SCFD1: variants seen among roughly 807,000 people sequenced by gnomAD.
SCFD1 encodes the protein sec1 family domain-containing protein 1.
A neutral mutation model predicts 103.2 loss-of-function variants in SCFD1; 37 were observed. That is an observed-to-expected ratio of 0.36 (90% CI 0.28 to 0.47). SCFD1 has a LOEUF of 0.47. SCFD1 is among the 20% of genes least tolerant of loss of function. The pLI, the probability that SCFD1 is intolerant of heterozygous loss-of-function variation, is 1.00. For missense variants in SCFD1, 639 were observed against 761.2 expected (o/e 0.84, Z 1.89); for synonymous variants, 264 against 245.0 (o/e 1.08, Z -0.73).
intron 6 of SCFD1, among the ~76,000 whole-genome samples, chr14:30,641,949 C>G (rs1161027164): frequency 6.6e-6 from 1 of 152,164 alleles, no homozygotes; most frequent in African/African-American, 2.4e-5. Flanking sequence ...TCATCAGACA[C>G]TGGGCCTTGA....
At chr14:30,684,973 A>T (rs1594698652) in intron 14 of SCFD1, among the ~76,000 whole-genome samples, 4 of 65,698 alleles carry the variant, frequency 6.1e-5, no homozygotes, top group African/African-American at 2.2e-4. Context: ...CCCCAACCCC[A>T]CCACAGTCCC....
intron 10 of SCFD1, among the ~76,000 whole-genome samples, chr14:30,657,455 T>C (rs1041445431): frequency 6.6e-6 from 1 of 152,206 alleles, no homozygotes; most frequent in South Asian, 2.1e-4. Context: ...CTTTATACAA[T>C]TTTTATTTCC....
At chr14:30,694,934 A>G in intron 15 of SCFD1, 65 bp downstream of exon 15, 1 of 1,538,998 alleles carries the variant, frequency 6.5e-7, no homozygotes, top group Non-Finnish European at 8.7e-7. Flanking sequence ...TTTTCAATTG[A>G]GTAAACTTTG....
intron 23 of SCFD1, among the ~76,000 whole-genome samples, chr14:30,731,888 A>G (rs1022741904): frequency 6.6e-6 from 1 of 152,144 alleles, no homozygotes; most frequent in South Asian, 2.1e-4. Flanking sequence ...TTCCAACACT[A>G]TGTTGAATAG....
At position 30,705,820 on chromosome 14, in the gene SCFD1, T is replaced by C. The variant is rs746274069; in HGVS notation, c.1491-3T>C. The C allele has an allele frequency of 1.9e-5, 31 of 1,613,056 alleles. No homozygotes were observed. Among genetic ancestry groups the C allele is most frequent in the Non-Finnish European group, 2.5e-5 (30 of 1,179,154 alleles). ...TTTTAAGTACAACTTCCTTCTTTCATAGGGCTTTTACCAAGATGGCCTCAG... is the reference window on the plus strand; with the variant it reads ...TTTTAAGTACAACTTCCTTCTTTCACAGGGCTTTTACCAAGATGGCCTCAG... On this transcript the variant is annotated splice_polypyrimidine_tract_variant and splice_region_variant and intron_variant, in intron 17 of 24. Transcript: ENST00000458591.
At chr14:30,734,996 G>GT in intron 24 of SCFD1, 138 bp downstream of exon 24, 2 of 620,976 alleles carry the variant, frequency 3.2e-6, no homozygotes, top group African/African-American at 1.8e-5. Flanking sequence ...AAGATAAGGT[G>GT]TTTTCATGGA....
chr14:30,683,250 G>A, intron 14 of SCFD1: 1 of 1,079,574 alleles, frequency 9.3e-7, no homozygotes, highest in Admixed American at 2.3e-5. Flanking sequence ...TGTCCTTCAG[G>A]ATGTCCAGGC....
chr14:30,680,975 G>T (rs1393790139), intron 14 of SCFD1, among the ~76,000 whole-genome samples: 1 of 152,136 alleles, frequency 6.6e-6, no homozygotes, highest in African/African-American at 2.4e-5. Context: ...GCTCACACCT[G>T]TCATCCCAGC....
At chr14:30,640,334 G>A (rs1479806134) in intron 6 of SCFD1, among the ~76,000 whole-genome samples, 1 of 152,102 alleles carries the variant, frequency 6.6e-6, no homozygotes. Context: ...TTCCTAAGAG[G>A]ATATAAGTAT....
At chr14:30,645,249 A>G (rs1371741697) in intron 7 of SCFD1, among the ~76,000 whole-genome samples, 1 of 152,086 alleles carries the variant, frequency 6.6e-6, no homozygotes, top group Non-Finnish European at 1.5e-5. Context: ...GTAGTAGTAT[A>G]CTTCGAAGTC....
chr14:30,664,184 G>A (rs1374394587), intron 10 of SCFD1, among the ~76,000 whole-genome samples: 3 of 152,134 alleles, frequency 2.0e-5, no homozygotes, highest in Non-Finnish European at 2.9e-5. Flanking sequence ...TCCAGAGGAA[G>A]GATCAGGCAG....
intron 7 of SCFD1, 43 bp downstream of exon 7, chr14:30,643,448 T>C (rs756403766): frequency 4.6e-6 from 6 of 1,306,252 alleles, no homozygotes. Flanking sequence ...AAGTAAATTA[T>C]TTAACAAGTA....
intron 10 of SCFD1, among the ~76,000 whole-genome samples, chr14:30,660,304 A>G (rs1254778700): frequency 6.6e-6 from 1 of 151,948 alleles, no homozygotes; most frequent in African/African-American, 2.4e-5. Context: ...TCTGTAAACT[A>G]ATTGATTGTG....
chr14:30,715,405 T>TA (rs2139390928), intron 19 of SCFD1: 1 of 152,378 alleles, frequency 6.6e-6, no homozygotes, highest in South Asian at 2.1e-4. Flanking sequence ...ACCCTGTCTC[T>TA]ACTAAAAATA....
In SCFD1 at chr14:30,622,360, A is replaced by G. The variant is rs568248606; in HGVS notation, c.22A>G (p.Thr8Ala). 3 of 1,564,968 alleles carry G rather than the reference A, an allele frequency of 1.9e-6. No homozygotes were observed. The highest frequency in any genetic ancestry group is 1.9e-5 in the Admixed American group (1 of 52,604). ...CAAGATGGCGGCGGCGGCGGCAGCG[A>G]CAGCAGCAGCAGCAGCCAGTATTCG... MAAAAAA[T>A]AAAAASIRER... The change falls in exon 1 of 25, where the codon ACA becomes GCA. Residue 8 changes from threonine to alanine, a missense_variant. By Grantham distance (58) the Thr-to-Ala change is moderately conservative (BLOSUM62 0). Coordinates refer to ENST00000458591, the MANE Select transcript of SCFD1 (RefSeq NM_016106.4).
intron 1 of SCFD1, among the ~76,000 whole-genome samples, chr14:30,622,692 GCTT>G (rs1882977868): frequency 6.6e-6 from 1 of 152,160 alleles, no homozygotes; most frequent in Non-Finnish European, 1.5e-5. Context: ...GCAGCTGATA[GCTT>G]CTTATCTATG....
intron 24 of SCFD1, 83 bp downstream of exon 24, chr14:30,734,941 CTT>C: frequency 8.8e-7 from 1 of 1,133,690 alleles, no homozygotes; most frequent in Non-Finnish European, 1.3e-6. Flanking sequence ...AAGAAAACCA[CTT>C]ACTCACCTGA....
chr14:30,634,735 G>A (rs1485486461), intron 4 of SCFD1: 3 of 449,008 alleles, frequency 6.7e-6, no homozygotes, highest in African/African-American at 4.0e-5. Context: ...TCCTTCTGTC[G>A]CTGATCATTC....
chr14:30,659,622 TAAACAGCTCTGCTTTAATAA>T lies in SCFD1; in HGVS notation c.855+6038_855+6057del, dbSNP rs539185581. Among the ~76,000 whole-genome samples the T allele has an allele frequency of 8.3e-4, 127 of 152,304 alleles. 1 individual carries two copies. In the East Asian group the frequency reaches 0.018, roughly 21 times the overall value. On this transcript the variant is annotated intron_variant, in intron 10 of 24. Coordinates refer to ENST00000458591, the MANE Select transcript of SCFD1 (RefSeq NM_016106.4). The stretch of plus-strand genomic sequence containing the variant: ...TTCCAGCTCATGAGTCCTAGGGTTG[TAAACAGCTCTGCTTTAATAA>T]AAATGAACAAGCTTCCCAAATATAT...
Sources: allele counts gnomAD v4.1 joint callset (sites outside exome capture counted in the v4.1 genomes callset), GRCh38; gene constraint gnomAD v4.1.1; transcripts MANE v1.5; gene names NCBI Gene and HGNC (gene_info 2026-07-23, HGNC 2026-07-21).